Variants in ROBO1 observed in about 807,000 individuals in gnomAD.
The protein encoded by ROBO1 is roundabout guidance receptor 1.
A neutral mutation model predicts 195.9 loss-of-function variants in ROBO1; 149 were observed. That is an observed-to-expected ratio of 0.76 (90% CI 0.67 to 0.87). ROBO1 has a LOEUF of 0.87. Among genes scored for constraint, ROBO1 ranks in the 40% least tolerant of loss-of-function variants. ROBO1 has a pLI of 0.00. For missense variants in ROBO1, 1,933 were observed against 2,068.3 expected, an observed-to-expected ratio of 0.93 and a Z score of 1.27; for synonymous variants, 816 against 733.2, an observed-to-expected ratio of 1.11 and a Z score of -1.82.
intron 2 of ROBO1, among the ~76,000 whole-genome samples, chr3:79,186,810 A>C (rs1270288240): frequency 1.3e-5 from 2 of 152,098 alleles, no homozygotes; most frequent in Non-Finnish European, 2.9e-5. Flanking sequence ...GACAACTGTA[A>C]AATAAACTAC....
At chr3:79,599,893 AT>A (rs896664397) in intron 1 of ROBO1, among the ~76,000 whole-genome samples, 11 of 151,872 alleles carry the variant, frequency 7.2e-5, no homozygotes, top group African/African-American at 1.5e-4. Context: ...GTCTATCCAA[AT>A]TTTTTTCTTT....
intron 2 of ROBO1, among the ~76,000 whole-genome samples, chr3:79,567,672 G>A (rs1202886218): frequency 6.6e-6 from 1 of 152,026 alleles, no homozygotes; most frequent in Non-Finnish European, 1.5e-5. Context: ...GTACCCATAT[G>A]ATATTCCCTT....
At chr3:78,667,727 T>C (rs1309379822) in intron 14 of ROBO1, among the ~76,000 whole-genome samples, 156 bp downstream of exon 14, 1 of 152,212 alleles carries the variant, frequency 6.6e-6, no homozygotes, top group Non-Finnish European at 1.5e-5. Flanking sequence ...TTGTAGACAT[T>C]GTGTTTGTAT....
At chr3:79,247,406 C>A (rs140881468) in intron 2 of ROBO1, among the ~76,000 whole-genome samples, 1 of 150,668 alleles carries the variant, frequency 6.6e-6, no homozygotes, top group Non-Finnish European at 1.5e-5. Context: ...TTAAAGCAAT[C>A]GAACAAAGGA....
intron 28 of ROBO1, among the ~76,000 whole-genome samples, chr3:78,608,480 T>A (rs1235776394): frequency 6.6e-6 from 1 of 152,164 alleles, no homozygotes; most frequent in Admixed American, 6.6e-5. Context: ...TAGAAAAAAT[T>A]TTTTTAATCA....
In ROBO1 at chr3:78,714,400, GA is replaced by G; in HGVS notation, c.1041del (p.Gln348LysfsTer8). ...CAAAGCCTTTCCCAATGCCTACCTT[GA>G]ACAGTCAGAGTAGCAGATGCTTCAG... ...GKAEASATLTVQEPPHFVVKP... is the reference protein window; with the variant it reads ...GKAEASATLTXQEPPHFVVKP... On this transcript the variant is annotated frameshift_variant, in exon 8 of 31. Transcript: ENST00000464233. LOFTEE classifies it high-confidence loss of function. The G allele has an allele frequency of 6.2e-7, 1 of 1,610,966 alleles. No individual in the cohort carries two copies. The highest frequency in any genetic ancestry group is 8.5e-7 in the Non-Finnish European group (1 of 1,178,654).
intron 2 of ROBO1, among the ~76,000 whole-genome samples, chr3:79,235,067 A>T (rs2082384173): frequency 6.6e-6 from 1 of 152,172 alleles, no homozygotes; most frequent in African/African-American, 2.4e-5. Context: ...CATTTTTGAA[A>T]CTCAGGTAGA....
At chr3:79,348,123 A>G (rs1336793618) in intron 2 of ROBO1, among the ~76,000 whole-genome samples, 1 of 148,390 alleles carries the variant, frequency 6.7e-6, no homozygotes, top group Admixed American at 6.8e-5. Context: ...AGACAGGCAG[A>G]TTGCTTGAAC....
chr3:79,290,483 T>G (rs2032180279), intron 2 of ROBO1, among the ~76,000 whole-genome samples: 1 of 152,180 alleles, frequency 6.6e-6, no homozygotes, highest in Non-Finnish European at 1.5e-5. Context: ...ATTCTCTTAC[T>G]ATGCAACCTA....
intron 3 of ROBO1, among the ~76,000 whole-genome samples, chr3:79,029,928 GA>G (rs1319162188): frequency 3.9e-5 from 6 of 152,166 alleles, no homozygotes; most frequent in Non-Finnish European, 5.9e-5. Context: ...CGCAACAGTG[GA>G]AGTAATGACT....
intron 3 of ROBO1, among the ~76,000 whole-genome samples, chr3:78,939,682 C>T (rs2040027289): frequency 6.6e-6 from 1 of 151,062 alleles, no homozygotes; most frequent in South Asian, 2.1e-4. Context: ...CAAATATATA[C>T]TAGAACTGTC....
intron 4 of ROBO1, among the ~76,000 whole-genome samples, chr3:78,795,285 A>G (rs1274436629): frequency 6.6e-6 from 1 of 152,264 alleles, no homozygotes; most frequent in African/African-American, 2.4e-5. Flanking sequence ...ATTAGTAAAT[A>G]TGAAGCTATT....
intron 1 of ROBO1, among the ~76,000 whole-genome samples, chr3:79,625,034 G>A (rs957861408): frequency 1.3e-5 from 2 of 152,044 alleles, no homozygotes; most frequent in African/African-American, 2.4e-5. Flanking sequence ...TAGAACTCAG[G>A]ATTAAGAAAC....
At chr3:79,354,482 A>G (rs2035467470) in intron 2 of ROBO1, among the ~76,000 whole-genome samples, 1 of 152,140 alleles carries the variant, frequency 6.6e-6, no homozygotes, top group Non-Finnish European at 1.5e-5. Context: ...TTCCACTGGA[A>G]CTGCCTAGGA....
chr3:78,621,656 G>A (rs1337630867), intron 26 of ROBO1, among the ~76,000 whole-genome samples: 2 of 152,196 alleles, frequency 1.3e-5, no homozygotes, highest in Non-Finnish European at 2.9e-5. Context: ...CTGCACTCAA[G>A]TGGGACTTGT....
chr3:79,431,612 A>G (rs999805078), intron 2 of ROBO1, among the ~76,000 whole-genome samples: 6 of 152,182 alleles, frequency 3.9e-5, no homozygotes, highest in African/African-American at 1.4e-4. Context: ...ATCATTTACT[A>G]GGCAATGTAA....
chr3:79,367,837 C>A (rs147830782), intron 2 of ROBO1, among the ~76,000 whole-genome samples: 1 of 152,308 alleles, frequency 6.6e-6, no homozygotes, highest in Non-Finnish European at 1.5e-5. Flanking sequence ...CCATACATTT[C>A]ATGAAGATAT....
intron 1 of ROBO1, among the ~76,000 whole-genome samples, chr3:79,764,862 G>C (rs890485078): frequency 1.3e-5 from 2 of 152,106 alleles, no homozygotes; most frequent in Non-Finnish European, 2.9e-5. Context: ...TAGGGTATTT[G>C]TTCTTTATTT....
intron 1 of ROBO1, among the ~76,000 whole-genome samples, chr3:79,754,780 CT>C (rs1704299558): frequency 6.6e-6 from 1 of 152,196 alleles, no homozygotes; most frequent in Admixed American, 6.5e-5. Context: ...AGTCTGTTAG[CT>C]AAGACGATGG....
Sources: gnomAD v4.1 joint callset for allele counts (sites outside exome capture counted in the v4.1 genomes callset) on GRCh38, gnomAD v4.1.1 for gene constraint, MANE v1.5 for transcripts, NCBI Gene and HGNC (gene_info 2026-07-23, HGNC 2026-07-21) for gene names.